Variants in CASZ1 observed in about 807,000 individuals in gnomAD.
CASZ1 encodes the protein zinc finger protein castor homolog 1.
A neutral mutation model predicts 135.2 loss-of-function variants in CASZ1; 28 were observed. The ratio of observed to expected loss-of-function variants is 0.21; its 90% CI spans 0.15 to 0.28. The LOEUF is 0.28. Among genes scored for constraint, CASZ1 ranks in the 10% least tolerant of loss-of-function variants. The pLI, the probability that CASZ1 is intolerant of heterozygous loss-of-function variation, is 1.00. For missense variants in CASZ1, 2,161 were observed against 2,453.3 expected (o/e 0.88, Z 2.52); for synonymous variants, 1,068 against 1,073.4 (o/e 0.99, Z 0.10).
rs1639454535 is a variant in CASZ1 at position 10,719,367 on chromosome 1, T to C, written c.-76-13823A>G. On this transcript the variant is annotated intron_variant, in intron 2 of 20. Coordinates refer to ENST00000377022, the MANE Select transcript of CASZ1 (RefSeq NM_001079843.3). This position sits in a 1 kb window ranked among gnomAD's most constrained non-coding sequence, Gnocchi z 4.0. ...TGACCGTACCCCACTGCCTTCCCTT[T>C]AGACCTGAAAAGCTGCAACCTGCCC... Among the ~76,000 whole-genome samples the C allele has an allele frequency of 6.6e-6, 1 of 152,224 alleles. No individual in the cohort carries two copies. Among genetic ancestry groups the C allele is most frequent in the African/African-American group, 2.4e-5 (1 of 41,454 alleles).
At chr1:10,789,152 C>T (rs1640910237) in intron 1 of CASZ1, among the ~76,000 whole-genome samples, 1 of 152,032 alleles carries the variant, frequency 6.6e-6, no homozygotes, top group South Asian at 2.1e-4. Context: ...TACCCTGTGG[C>T]CCCTGCCCAC....
chr1:10,656,502 G>T, intron 8 of CASZ1, 144 bp downstream of exon 8: 1 of 639,108 alleles, frequency 1.6e-6, no homozygotes, highest in Non-Finnish European at 2.8e-6. Flanking sequence ...TGGTGGTTTT[G>T]CGGGCCCTCT....
At chr1:10,682,908 C>T (rs1249337808) in intron 4 of CASZ1, among the ~76,000 whole-genome samples, 1 of 152,272 alleles carries the variant, frequency 6.6e-6, no homozygotes, top group African/African-American at 2.4e-5. Context: ...GGGCCGGGGC[C>T]TGTCATCCCC....
chr1:10,708,314 A>C (rs553883272), intron 2 of CASZ1, among the ~76,000 whole-genome samples: 2 of 152,310 alleles, frequency 1.3e-5, no homozygotes, highest in South Asian at 4.1e-4. Context: ...ATCCCATTGC[A>C]CAAGTAAGGA....
At chr1:10,728,967 C>CT (rs1639646876) in intron 2 of CASZ1, among the ~76,000 whole-genome samples, 2 of 152,158 alleles carry the variant, frequency 1.3e-5, no homozygotes, top group African/African-American at 4.8e-5. Context: ...AACAAGAGGC[C>CT]TTCCCCCCCC....
chr1:10,683,983 G>T (rs1378094224), intron 4 of CASZ1, among the ~76,000 whole-genome samples: 2 of 152,220 alleles, frequency 1.3e-5, no homozygotes, highest in Admixed American at 1.3e-4. Flanking sequence ...ATTTGGAACA[G>T]TGCTCAGGGG....
chr1:10,793,181 C>A, intron 1 of CASZ1, among the ~76,000 whole-genome samples: 1 of 141,974 alleles, frequency 7.0e-6, no homozygotes, highest in African/African-American at 2.7e-5. Context: ...TTTTTTTAAA[C>A]AATAGCTTTT....
chr1:10,751,837 CAG>C lies in CASZ1; in HGVS notation c.-77+8862_-77+8863del, dbSNP rs558359409. Among the ~76,000 whole-genome samples the C allele has an allele frequency of 3.7e-3, 564 of 152,360 alleles. 6 individuals are homozygous for C. The highest frequency in any genetic ancestry group is 0.013 in the African/African-American group (543 of 41,586). On this transcript the variant is annotated intron_variant, in intron 2 of 20. Transcript: ENST00000377022. ...CAGGATGCTGTTAACTCCTAGAGAA[CAG>C]AGCCAGAGCAAAGAGCTCCCACCTT...
rs1015492913 is a variant in CASZ1 at position 10,657,063 on chromosome 1, G to A, written c.1410-327C>T. ...CCTGTCTTTTCTGCAGGGGCTACCT[G>A]CCCCACTCCCAGCCCGCCCAGTTCT... On this transcript the variant is annotated intron_variant, in intron 7 of 20. Coordinates refer to ENST00000377022, the MANE Select transcript of CASZ1 (RefSeq NM_001079843.3). This position sits in a 1 kb window ranked among gnomAD's most constrained non-coding sequence, Gnocchi z 5.7. Among the ~76,000 whole-genome samples, 2 of 152,208 alleles carry A rather than the reference G, an allele frequency of 1.3e-5. No homozygotes were observed. The highest frequency in any genetic ancestry group is 2.9e-5 in the Non-Finnish European group (2 of 68,018).
chr1:10,665,257 G>A lies in CASZ1; in HGVS notation c.331C>T (p.Arg111Cys), dbSNP rs372540625. ...TCGGGAGGCAGCTCCAGGCCCTCGC[G>A]GGCAATCCGCCCCAACACGGGTGTG... is the stretch of plus-strand genomic sequence containing the variant. Reference protein sequence around the residue: ...APTPVLGRIAREGLELPPEGV... With the variant: ...APTPVLGRIACEGLELPPEGV... Residue 111 changes from arginine to cysteine, a missense_variant, in exon 5 of 21, where the codon CGC becomes TGC. Physicochemically the swap from Arg to Cys is radical, Grantham distance 180. Around this residue, in one of 7 missense-constraint regions of CASZ1, gnomAD observed 590 missense variants for 609.8 expected, o/e 0.97. Coordinates refer to ENST00000377022, the MANE Select transcript of CASZ1 (RefSeq NM_001079843.3). 82 of 1,607,648 alleles carry A rather than the reference G, an allele frequency of 5.1e-5. No individual in the cohort carries two copies. Among genetic ancestry groups the A allele is most frequent in the Non-Finnish European group, 6.5e-5 (77 of 1,176,204 alleles).
rs1215941565 is a variant in CASZ1 at position 10,755,231 on chromosome 1, C to A, written c.-77+5470G>T. The stretch of plus-strand genomic sequence containing the variant: ...GTGGCTCTGGGCCTAAGGGCCTTCA[C>A]CTGGACCAGGCTTATCCCTGGGTAG... On this transcript the variant is annotated intron_variant, in intron 2 of 20. Transcript: ENST00000377022. This position sits in a 1 kb window ranked among gnomAD's most constrained non-coding sequence, Gnocchi z 4.3. Among the ~76,000 whole-genome samples, 2 of 152,222 alleles carry A rather than the reference C, an allele frequency of 1.3e-5. No individual in the cohort carries two copies. The highest frequency in any genetic ancestry group is 4.8e-5 in the African/African-American group (2 of 41,456).
Position 10,651,071 on chromosome 1 carries a change from C to T in CASZ1, c.2686G>A (p.Gly896Arg), listed in dbSNP as rs770854964. Residue 896 changes from glycine to arginine, a missense_variant, in exon 12 of 21, where the codon GGG (glycine) becomes AGG (arginine). Coordinates refer to ENST00000377022, the MANE Select transcript of CASZ1 (RefSeq NM_001079843.3). Reference sequence around the variant, plus strand: ...AACCTGGCTGGGGTGACCTGCTGCCCGCTTCCTGCAGGGGAGGGGTGGGAA... The same window carrying T: ...AACCTGGCTGGGGTGACCTGCTGCCTGCTTCCTGCAGGGGAGGGGTGGGAA... ...KPSATFDPGS[G>R]QQVTPARFPP... 13 of 1,520,236 alleles carry T rather than the reference C, an allele frequency of 8.6e-6. No individual in the cohort carries two copies. The highest frequency in any genetic ancestry group is 2.8e-5 in the African/African-American group (2 of 71,184). The allele number at this position is 1,520,236 out of a possible 1,614,324, so 94.2% of individuals were successfully genotyped here. A position where few individuals can be genotyped will look rare whatever the true frequency, so the allele number is the denominator to read the frequency against.
chr1:10,791,557 C>T (rs1053992962), intron 1 of CASZ1, among the ~76,000 whole-genome samples: 7 of 152,212 alleles, frequency 4.6e-5, no homozygotes, highest in Non-Finnish European at 7.3e-5. Context: ...AGTGGGTTTC[C>T]AGCCCAGGCG....
intron 4 of CASZ1, among the ~76,000 whole-genome samples, chr1:10,670,955 T>C (rs886726034): frequency 2.6e-5 from 4 of 152,190 alleles, no homozygotes; most frequent in African/African-American, 9.6e-5. Context: ...GGAGGAATGG[T>C]TGCTGCTCCC....
intron 15 of CASZ1, 200 bp from the exon 16 acceptor site, chr1:10,648,339 G>T (rs1642441740): frequency 1.9e-6 from 1 of 518,428 alleles, no homozygotes; most frequent in Non-Finnish European, 3.4e-6. Flanking sequence ...TCCGAACTTG[G>T]TCTCCTGGCT....
chr1:10,743,285 A>T (rs974139671), intron 2 of CASZ1, among the ~76,000 whole-genome samples: 2 of 152,076 alleles, frequency 1.3e-5, no homozygotes, highest in African/African-American at 2.4e-5. Context: ...CAAGGGAGAC[A>T]TTCAAGGGTG....
At chr1:10,651,136 C>T (rs966952632) in intron 11 of CASZ1, 60 bp from the exon 12 acceptor site, 6 of 1,373,214 alleles carry the variant, frequency 4.4e-6, no homozygotes, top group Non-Finnish European at 5.7e-6. Flanking sequence ...CGGGCACAGA[C>T]AGCCGCCGTG....
At chr1:10,650,650 TC>T (rs759952978) in intron 13 of CASZ1, 41 bp downstream of exon 13, 2 of 1,534,518 alleles carry the variant, frequency 1.3e-6, no homozygotes, top group Non-Finnish European at 9.0e-7. Context: ...CTTTAATTTC[TC>T]TGGGTGGGGG....
At chr1:10,745,197 C>A (rs909736979) in intron 2 of CASZ1, among the ~76,000 whole-genome samples, 1 of 152,102 alleles carries the variant, frequency 6.6e-6, no homozygotes, top group Non-Finnish European at 1.5e-5. Flanking sequence ...TTTCTTTGTC[C>A]TTTTATTTTG....
Sources: gnomAD v4.1 joint callset for allele counts (sites outside exome capture counted in the v4.1 genomes callset) on GRCh38, gnomAD v4.1.1 for gene constraint, gnomAD v4.1.1 regional missense constraint, Gnocchi (gnomAD v3.1) non-coding constraint, MANE v1.5 for transcripts, NCBI Gene and HGNC (gene_info 2026-07-23, HGNC 2026-07-21) for gene names.